Variants in CCDC60 observed in about 807,000 individuals in gnomAD.
CCDC60 encodes the protein coiled-coil domain-containing protein 60.
In CCDC60, 54 loss-of-function variants were observed where a neutral mutation model predicts 63.5. The ratio of observed to expected loss-of-function variants is 0.85; its 90% CI spans 0.68 to 1.07. The LOEUF (loss-of-function observed/expected upper bound fraction) is 1.07. Among genes scored for constraint, CCDC60 ranks in the 50% least tolerant of loss-of-function variants. CCDC60 has a pLI of 0.00. For missense variants in CCDC60, 651 were observed against 684.3 expected, an observed-to-expected ratio of 0.95 and a Z score of 0.54; for synonymous variants, 206 against 238.8, an observed-to-expected ratio of 0.86 and a Z score of 1.27.
chr12:119,506,152 T>C (rs1287069832), intron 7 of CCDC60, among the ~76,000 whole-genome samples: 2 of 152,176 alleles, frequency 1.3e-5, no homozygotes, highest in Non-Finnish European at 2.9e-5. Flanking sequence ...TCTGCCCTTC[T>C]TACCCAGAGC....
In CCDC60 at chr12:119,360,488, T is replaced by A. The variant is rs1005108083; in HGVS notation, c.90+25222T>A. Among the ~76,000 whole-genome samples, 32 of 146,224 alleles carry A rather than the reference T, an allele frequency of 2.2e-4. 1 individual carries two copies. The East Asian group carries it at 4.6e-3, about 21-fold the overall frequency. ...CTGCCGGGCGGAGAGGCTCCTCACT[T>A]CTCAGATGGGGCGGCTGCCGGGCGG... On this transcript the variant is annotated intron_variant, in intron 1 of 13. Transcript: ENST00000327554.
At chr12:119,508,079 G>A (rs1237849884) in intron 7 of CCDC60, among the ~76,000 whole-genome samples, 1 of 152,016 alleles carries the variant, frequency 6.6e-6, no homozygotes, top group African/African-American at 2.4e-5. Context: ...GCTGAGGTCG[G>A]GGGATCACTT....
chr12:119,506,438 CAA>C (rs35584778), intron 7 of CCDC60, among the ~76,000 whole-genome samples: 30,997 of 86,546 alleles, frequency 0.36, 4,278 homozygotes, highest in Non-Finnish European at 0.44. Context: ...CCTCATCTCT[CAA>C]AAAAAAAAAA....
At chr12:119,425,267 A>G (rs1225073579) in intron 1 of CCDC60, among the ~76,000 whole-genome samples, 1 of 152,202 alleles carries the variant, frequency 6.6e-6, no homozygotes, top group Non-Finnish European at 1.5e-5. Context: ...GAGGTTCTCC[A>G]AAATAAGTGG....
intron 7 of CCDC60, among the ~76,000 whole-genome samples, chr12:119,514,074 C>T (rs1952285785): frequency 6.6e-6 from 1 of 152,126 alleles, no homozygotes; most frequent in African/African-American, 2.4e-5. Context: ...GAAGACCTTA[C>T]AGGGGACAAG....
intron 1 of CCDC60, among the ~76,000 whole-genome samples, chr12:119,355,940 G>A (rs1323176035): frequency 6.6e-6 from 1 of 152,108 alleles, no homozygotes; most frequent in African/African-American, 2.4e-5. Context: ...CCTTGTCCCT[G>A]TTTTAGCTAG....
intron 11 of CCDC60, among the ~76,000 whole-genome samples, chr12:119,527,471 G>T (rs977021355): frequency 6.6e-6 from 1 of 152,014 alleles, no homozygotes; most frequent in Admixed American, 6.6e-5. Context: ...TCAAGGAAAA[G>T]CAACAGATAG....
intron 2 of CCDC60, among the ~76,000 whole-genome samples, chr12:119,466,374 C>T (rs575255370): frequency 2.2e-4 from 34 of 152,262 alleles, no homozygotes; most frequent in South Asian, 1.2e-3. Flanking sequence ...GTGCTTTGTA[C>T]GTAATAAGCA....
intron 1 of CCDC60, among the ~76,000 whole-genome samples, chr12:119,407,925 A>T (rs1219596336): frequency 6.6e-6 from 1 of 152,226 alleles, no homozygotes. Flanking sequence ...TCTTGTTTAC[A>T]ACCAAGTCAT....
intron 5 of CCDC60, among the ~76,000 whole-genome samples, chr12:119,495,847 A>C (rs1951705276): frequency 6.6e-6 from 1 of 152,222 alleles, no homozygotes; most frequent in Non-Finnish European, 1.5e-5. Flanking sequence ...AACATGCAAT[A>C]ATCAAGATAC....
intron 2 of CCDC60, among the ~76,000 whole-genome samples, chr12:119,457,716 C>CA (rs1950773526): frequency 6.7e-6 from 1 of 150,322 alleles, no homozygotes; most frequent in Non-Finnish European, 1.5e-5. Flanking sequence ...TGGTGGTTGG[C>CA]GGGGGGGAGA....
chr12:119,460,692 T>A (rs1039916844), intron 2 of CCDC60, among the ~76,000 whole-genome samples: 2 of 152,236 alleles, frequency 1.3e-5, no homozygotes, highest in African/African-American at 4.8e-5. Flanking sequence ...AAGCTCATTT[T>A]ATGTGTTCAT....
At chr12:119,517,154 A>T (rs1555254953) in intron 8 of CCDC60, among the ~76,000 whole-genome samples, 1 of 149,404 alleles carries the variant, frequency 6.7e-6, no homozygotes, top group Non-Finnish European at 1.5e-5. Context: ...CATCTGGCTA[A>T]TTTTTTTTTT....
intron 6 of CCDC60, among the ~76,000 whole-genome samples, chr12:119,502,117 T>A (rs138157404): frequency 6.2e-4 from 94 of 152,298 alleles, no homozygotes; most frequent in Non-Finnish European, 1.1e-3. Flanking sequence ...CTGAGTGTGA[T>A]ACAGTAGGGA....
In CCDC60 at chr12:119,532,899, G is replaced by C. The variant is rs192374146; in HGVS notation, c.1551+1836G>C. Reference sequence around the variant, plus strand: ...ACATATGTGTACATGTGTCTTTATAGTAGAAAGATTTATAATCCTTTGGGT... The same window carrying C: ...ACATATGTGTACATGTGTCTTTATACTAGAAAGATTTATAATCCTTTGGGT... On this transcript the variant is annotated intron_variant, in intron 13 of 13. Coordinates refer to ENST00000327554, the MANE Select transcript of CCDC60 (RefSeq NM_178499.5). 4.7e-3 allele frequency among the ~76,000 whole-genome samples: 708 copies of C among 152,252 alleles called. 5 individuals carry two copies. Among genetic ancestry groups the C allele is most frequent in the Admixed American group, 0.01 (159 of 15,292 alleles).
Position 119,540,804 on chromosome 12 carries a change from T to A in CCDC60, c.*89T>A. ...CCTGCCTGTGTTCCTGCCTCCTGAC[T>A]ACCCTCATGGATGCTCTTTATGGAT... On this transcript the variant is annotated 3_prime_UTR_variant, in exon 14 of 14. Transcript: ENST00000327554. The A allele has an allele frequency of 1.1e-6, 1 of 877,084 alleles. No homozygotes were observed. 54.3% of individuals were successfully genotyped at this position (877,084 alleles called of 1,614,324 possible).
chr12:119,519,415 G>A (rs908743861), intron 8 of CCDC60, among the ~76,000 whole-genome samples: 2 of 137,368 alleles, frequency 1.5e-5, no homozygotes, highest in African/African-American at 5.9e-5. Flanking sequence ...GTGTGTGTGT[G>A]TGTGTGTGTG....
intron 2 of CCDC60, among the ~76,000 whole-genome samples, chr12:119,439,216 T>TAC (rs1372481620): frequency 7.0e-6 from 1 of 142,522 alleles, no homozygotes; most frequent in African/African-American, 2.6e-5. Flanking sequence ...AACACTTAGC[T>TAC]ACATGGGTCC....
intron 13 of CCDC60, among the ~76,000 whole-genome samples, chr12:119,537,051 TCAAA>T (rs1281857117): frequency 6.6e-6 from 1 of 152,248 alleles, no homozygotes; most frequent in Non-Finnish European, 1.5e-5. Context: ...GGTACACCAA[TCAAA>T]CATAGTTTTG....
Sources: gnomAD v4.1 joint callset for allele counts (sites outside exome capture counted in the v4.1 genomes callset) on GRCh38, gnomAD v4.1.1 for gene constraint, MANE v1.5 for transcripts, NCBI Gene and HGNC (gene_info 2026-07-23, HGNC 2026-07-21) for gene names.